The following MRPS27 variants were observed in gnomAD, a reference collection of about 807,000 sequenced individuals.
MRPS27 encodes the protein mitochondrial ribosomal protein S27.
In MRPS27, 43 loss-of-function variants were observed where a neutral mutation model predicts 48.9. That is an observed-to-expected ratio of 0.88 (90% CI 0.69 to 1.13). The LOEUF (loss-of-function observed/expected upper bound fraction) is 1.13. Ranked by LOEUF, MRPS27 falls within the 50% of genes most tolerant of loss-of-function variation. MRPS27 has a pLI of 0.00. For synonymous variants in MRPS27, 188 were observed against 171.9 expected (o/e 1.09, Z -0.73); for missense variants, 467 against 476.3 (o/e 0.98, Z 0.18).
chr5:72,227,510 A>C (rs896475137), intron 8 of MRPS27: 1 of 152,208 alleles, frequency 6.6e-6, no homozygotes, highest in Admixed American at 6.5e-5. Context: ...ATTTTTAAAA[A>C]ACAAAGGTAA....
chr5:72,226,368 G>C (rs1747897742), intron 8 of MRPS27, 169 bp from the exon 9 acceptor site: 1 of 680,614 alleles, frequency 1.5e-6, no homozygotes, highest in South Asian at 2.2e-5. Flanking sequence ...ACTTCAGATG[G>C]ATAATGACGA....
intron 4 of MRPS27, among the ~76,000 whole-genome samples, chr5:72,247,575 T>C (rs954473290): frequency 3.9e-5 from 6 of 152,198 alleles, no homozygotes; most frequent in African/African-American, 1.4e-4. Context: ...CAAGGTGAAA[T>C]GATAAAATCA....
chr5:72,280,139 G>T (rs1174216009), intron 4 of MRPS27, among the ~76,000 whole-genome samples: 1 of 152,060 alleles, frequency 6.6e-6, no homozygotes, highest in Non-Finnish European at 1.5e-5. Context: ...AATAAGTCTT[G>T]TTGTCTATCT....
intron 4 of MRPS27, among the ~76,000 whole-genome samples, chr5:72,253,062 T>C (rs1038062232): frequency 1.3e-5 from 2 of 152,224 alleles, no homozygotes; most frequent in Admixed American, 1.3e-4. Flanking sequence ...CCACTCACAC[T>C]TCTACTTTGG....
At chr5:72,239,674 TA>T (rs555692584) in intron 4 of MRPS27, among the ~76,000 whole-genome samples, 119 of 152,280 alleles carry the variant, frequency 7.8e-4, no homozygotes, top group African/African-American at 2.5e-3. Context: ...TATTTGTTTT[TA>T]TTTTTTTATT....
At chr5:72,281,559 G>C (rs1015419714) in intron 4 of MRPS27, among the ~76,000 whole-genome samples, 3 of 152,210 alleles carry the variant, frequency 2.0e-5, no homozygotes, top group Non-Finnish European at 4.4e-5. Flanking sequence ...GTAAGTTTAT[G>C]AGTGTAGCAG....
Position 72,315,033 on chromosome 5 carries a change from C to CCTAG in MRPS27, c.74-879_74-876dup, listed in dbSNP as rs1750530876. On this transcript the variant is annotated intron_variant, in intron 1 of 10. Coordinates refer to ENST00000261413, the MANE Select transcript of MRPS27 (RefSeq NM_015084.3). Reference sequence around the variant, plus strand: ...ACTATTCCTAGCTCCTGGCACAATGCCTAGCCTTTGGCAGTGTTTAACAAA... The same window carrying CCTAG: ...ACTATTCCTAGCTCCTGGCACAATGCCTAGCTAGCCTTTGGCAGTGTTTAACAAA... 2.6e-5 allele frequency among the ~76,000 whole-genome samples: 4 copies of CCTAG among 152,276 alleles called. No homozygotes were observed. The South Asian group carries it at 8.3e-4, about 32-fold the overall frequency.
intron 7 of MRPS27, 64 bp from the exon 8 acceptor site, chr5:72,228,432 C>A: frequency 9.3e-7 from 1 of 1,079,050 alleles, no homozygotes; most frequent in Non-Finnish European, 1.4e-6. Flanking sequence ...AAAAATGTGA[C>A]TTTCAATGAC....
At chr5:72,274,108 C>A (rs921153633) in intron 4 of MRPS27, among the ~76,000 whole-genome samples, 5 of 152,114 alleles carry the variant, frequency 3.3e-5, no homozygotes, top group Admixed American at 1.3e-4. Flanking sequence ...AATCCCAGCA[C>A]TTTAGGAGGC....
rs948719368 is a variant in MRPS27, at chr5:72,250,662, C to G, written c.282-12534G>C. ...AATAGAGATGATAATACCTTAATCA[C>G]TGGGTTATTATGAAAATCACATAGG... is the stretch of plus-strand genomic sequence containing the variant. On this transcript the variant is annotated intron_variant, in intron 4 of 10. Coordinates refer to ENST00000261413, the MANE Select transcript of MRPS27 (RefSeq NM_015084.3). Among the ~76,000 whole-genome samples the G allele has an allele frequency of 4.6e-5, 7 of 152,244 alleles. No homozygotes were observed. In the South Asian group the frequency reaches 1.5e-3, roughly 32 times the overall value.
chr5:72,268,925 T>C (rs1338755545), intron 4 of MRPS27, among the ~76,000 whole-genome samples: 1 of 152,204 alleles, frequency 6.6e-6, no homozygotes, highest in Non-Finnish European at 1.5e-5. Context: ...GGCAGGGGGT[T>C]AGTGTAAACA....
chr5:72,239,189 G>A (rs146591394), intron 4 of MRPS27, among the ~76,000 whole-genome samples: 36 of 152,242 alleles, frequency 2.4e-4, no homozygotes, highest in Non-Finnish European at 5.1e-4. Flanking sequence ...TGAGAGTCGA[G>A]GGTACAGATG....
chr5:72,241,150 G>C (rs1484018679), intron 4 of MRPS27, among the ~76,000 whole-genome samples: 2 of 152,060 alleles, frequency 1.3e-5, no homozygotes, highest in Non-Finnish European at 2.9e-5. Context: ...TGATCCTCCT[G>C]CCTTTGCCTC....
chr5:72,223,441 T>C (rs1747806314), intron 10 of MRPS27, among the ~76,000 whole-genome samples: 2 of 152,156 alleles, frequency 1.3e-5, no homozygotes, highest in Non-Finnish European at 2.9e-5. Flanking sequence ...AAGTGGGTAA[T>C]GACATGCCAC....
At chr5:72,257,741 T>C (rs976453449) in intron 4 of MRPS27, among the ~76,000 whole-genome samples, 2 of 149,622 alleles carry the variant, frequency 1.3e-5, no homozygotes, top group African/African-American at 4.9e-5. Flanking sequence ...TGGGATTATG[T>C]GAGCAGCAGG....
intron 4 of MRPS27, among the ~76,000 whole-genome samples, chr5:72,259,878 T>G (rs1748920884): frequency 1.3e-5 from 2 of 152,220 alleles, no homozygotes; most frequent in Non-Finnish European, 2.9e-5. Flanking sequence ...TTTTAAATTT[T>G]TACGAATATG....
intron 4 of MRPS27, among the ~76,000 whole-genome samples, chr5:72,249,263 G>A (rs528211402): frequency 3.9e-5 from 6 of 152,324 alleles, no homozygotes; most frequent in Admixed American, 3.3e-4. Flanking sequence ...TGAGGTCAAA[G>A]CTCCTCTCTT....
At chr5:72,305,477 T>C (rs1315750431) in intron 2 of MRPS27, among the ~76,000 whole-genome samples, 1 of 152,150 alleles carries the variant, frequency 6.6e-6, no homozygotes, top group East Asian at 1.9e-4. Flanking sequence ...TGCAAATGTG[T>C]CAAGGAAATA....
At chr5:72,319,053 G>A (rs765592080) in intron 1 of MRPS27, among the ~76,000 whole-genome samples, 3 of 152,176 alleles carry the variant, frequency 2.0e-5, no homozygotes, top group African/African-American at 7.2e-5. Flanking sequence ...CTAAAGAAGT[G>A]CGTGCTTTTT....
Sources: allele counts gnomAD v4.1 joint callset (sites outside exome capture counted in the v4.1 genomes callset), GRCh38; gene constraint gnomAD v4.1.1; transcripts MANE v1.5; gene names NCBI Gene and HGNC (gene_info 2026-07-23, HGNC 2026-07-21).